RDH13: variants seen among roughly 807,000 people sequenced by gnomAD.
RDH13 encodes retinol dehydrogenase 13.
A neutral mutation model predicts 28.3 loss-of-function variants in RDH13; 35 were observed. The ratio of observed to expected loss-of-function variants is 1.24; its 90% CI spans 0.95 to 1.64. The LOEUF is 1.64. Ranked by LOEUF, RDH13 falls within the 40% of genes most tolerant of loss-of-function variation. The pLI is 0.00. For missense variants in RDH13, 514 were observed against 446.3 expected, an observed-to-expected ratio of 1.15 and a Z score of -1.37; for synonymous variants, 229 against 198.5, an observed-to-expected ratio of 1.15 and a Z score of -1.29.
intron 3 of RDH13, among the ~76,000 whole-genome samples, chr19:55,054,256 T>C (rs1195189327): frequency 1.3e-5 from 2 of 152,138 alleles, no homozygotes; most frequent in Non-Finnish European, 2.9e-5. Context: ...CGGGGCACAT[T>C]GACTCTGAAG....
downstream of RDH13, chr19:55,039,535 G>A (rs1218307109): frequency 6.6e-6 from 1 of 151,960 alleles, no homozygotes; most frequent in Non-Finnish European, 1.5e-5. Flanking sequence ...GCGGCAGAGT[G>A]AGACTGTCTC....
At chr19:55,053,333 TAA>T (rs147950783) in intron 3 of RDH13, among the ~76,000 whole-genome samples, 1 of 151,968 alleles carries the variant, frequency 6.6e-6, no homozygotes, top group African/African-American at 2.4e-5. Flanking sequence ...CTTGATTTGC[TAA>T]AAAAGTCACA....
chr19:55,047,145 C>CT, intron 6 of RDH13: 11 of 1,404,388 alleles, frequency 7.8e-6, no homozygotes, highest in Non-Finnish European at 1.0e-5. Flanking sequence ...TCCACGGCCT[C>CT]TTCCTCTGAG....
chr19:55,068,085 CCT>C (rs143833122), upstream of RDH13, among the ~76,000 whole-genome samples: 16 of 145,404 alleles, frequency 1.1e-4, no homozygotes, highest in South Asian at 2.4e-4. Flanking sequence ...TCTCCCCCTT[CCT>C]CTCTTTCTCC....
rs181306388 is a variant in RDH13 at position 55,054,804 on chromosome 19, C to G, written c.340+1849G>C. On this transcript the variant is annotated intron_variant, in intron 3 of 6. Coordinates refer to ENST00000415061, the MANE Select transcript of RDH13 (RefSeq NM_001145971.2). The stretch of plus-strand genomic sequence containing the variant: ...TGCTTCCTAGGCTGGTCTCTAACTC[C>G]TGAGCTCAAGCAATCCTAAGAGAAG... Among the ~76,000 whole-genome samples, 35 of 151,788 alleles carry G rather than the reference C, an allele frequency of 2.3e-4. No homozygotes were observed. In the East Asian group the frequency reaches 6.6e-3, roughly 29 times the overall value.
intron 1 of RDH13, among the ~76,000 whole-genome samples, chr19:55,062,691 G>A (rs1477115865): frequency 6.6e-6 from 1 of 152,164 alleles, no homozygotes; most frequent in Non-Finnish European, 1.5e-5. Context: ...AAAAATAAAC[G>A]AACAAATAAA....
At chr19:55,058,281 G>A (rs534772996) in intron 2 of RDH13, among the ~76,000 whole-genome samples, 82 of 151,726 alleles carry the variant, frequency 5.4e-4, no homozygotes, top group South Asian at 8.3e-4. Context: ...CCAGCTACTC[G>A]GGTGGCTGAG....
intron 3 of RDH13, among the ~76,000 whole-genome samples, chr19:55,052,731 G>A (rs576253418): frequency 6.0e-5 from 9 of 149,658 alleles, no homozygotes; most frequent in Non-Finnish European, 1.2e-4. Flanking sequence ...GCGCCATCTC[G>A]GCTCACTGCA....
At chr19:55,054,937 T>C (rs1394906467) in intron 3 of RDH13, among the ~76,000 whole-genome samples, 1 of 152,118 alleles carries the variant, frequency 6.6e-6, no homozygotes, top group African/African-American at 2.4e-5. Flanking sequence ...CATCATGCTG[T>C]ACATAATATA....
chr19:55,061,720 G>A (rs1290921580), intron 1 of RDH13, among the ~76,000 whole-genome samples: 2 of 151,762 alleles, frequency 1.3e-5, no homozygotes, highest in Non-Finnish European at 2.9e-5. Flanking sequence ...TGAGCCCAGG[G>A]AGGGTGAGGC....
chr19:55,057,041 GC>G (rs1325944142), intron 2 of RDH13, among the ~76,000 whole-genome samples: 5 of 152,196 alleles, frequency 3.3e-5, no homozygotes, highest in African/African-American at 1.2e-4. Context: ...AAGGAGTGAA[GC>G]ACTGGCTCAT....
At chr19:55,046,935 C>G (rs569087569) in intron 6 of RDH13, 1 of 174,186 alleles carries the variant, frequency 5.7e-6, no homozygotes, top group East Asian at 1.6e-4. Context: ...CACCTATTCT[C>G]TGGGCGGGGT....
chr19:55,057,685 C>T lies in RDH13; in HGVS notation c.185-877G>A, dbSNP rs148641945. On this transcript the variant is annotated intron_variant, in intron 2 of 6. Transcript: ENST00000415061. ...ACTTCTGACCTCAGGTGATCCACCC[C>T]GCGGCCTCCCAAAGTACTGGGATTA... Among the ~76,000 whole-genome samples, 1,064 of 152,106 alleles carry T rather than the reference C, an allele frequency of 7.0e-3. 14 individuals carry two copies. The highest frequency in any genetic ancestry group is 0.023 in the African/African-American group (958 of 41,514).
chr19:55,058,388 CAAAAA>C, intron 2 of RDH13, among the ~76,000 whole-genome samples: 1 of 131,000 alleles, frequency 7.6e-6, no homozygotes, highest in Admixed American at 7.7e-5. Context: ...AACTCCATCT[CAAAAA>C]AAAAAAAACA....
chr19:55,044,990 G>T lies in RDH13; in HGVS notation c.*84C>A. The T allele has an allele frequency of 9.5e-7, 1 of 1,052,596 alleles. No homozygotes were observed. The highest frequency in any genetic ancestry group is 1.4e-6 in the Non-Finnish European group (1 of 719,478). 65.2% of individuals were successfully genotyped at this position (1,052,596 alleles called of 1,614,324 possible). On this transcript the variant is annotated 3_prime_UTR_variant, in exon 7 of 7. Transcript: ENST00000415061. ...CGCCAGTCCTGGGTCTCCCGGCTCAGGTAGTGCCAGGAAGCTGCGGGCATG... is the reference window on the plus strand; with the variant it reads ...CGCCAGTCCTGGGTCTCCCGGCTCATGTAGTGCCAGGAAGCTGCGGGCATG...
chr19:55,048,796 G>A (rs368905499), intron 3 of RDH13, 33 bp from the exon 4 acceptor site: 138 of 1,560,672 alleles, frequency 8.8e-5, no homozygotes, highest in Non-Finnish European at 1.1e-4. Flanking sequence ...GAGACATCCC[G>A]GTGAGGACAG....
At position 55,056,885 on chromosome 19, in the gene RDH13, C is replaced by T. The variant is rs929547744; in HGVS notation, c.185-77G>A. On this transcript the variant is annotated intron_variant, in intron 2 of 6. Transcript: ENST00000415061. Reference sequence around the variant, plus strand: ...CTGACCCCAGAGACATGAAAACATACGTCTACACAAAAACACATCCACCAA... The same window carrying T: ...CTGACCCCAGAGACATGAAAACATATGTCTACACAAAAACACATCCACCAA... The T allele has an allele frequency of 1.2e-5, 16 of 1,280,914 alleles. 1 individual carries two copies. The highest frequency in any genetic ancestry group is 1.1e-4 in the Admixed American group (5 of 43,726). 79.3% of individuals were successfully genotyped at this position (1,280,914 alleles called of 1,614,324 possible).
At chr19:55,064,760 G>A (rs143468412), upstream of RDH13, among the ~76,000 whole-genome samples, 895 of 116,440 alleles carry the variant, frequency 7.7e-3, 11 homozygotes, top group Non-Finnish European at 0.012. Context: ...CTACAGGCAC[G>A]TGTCACCACA....
At chr19:55,045,412 G>A (rs2075188918) in intron 6 of RDH13, 103 bp from the exon 7 acceptor site, 2 of 845,750 alleles carry the variant, frequency 2.4e-6, no homozygotes, top group Non-Finnish European at 3.7e-6. Flanking sequence ...GTCCCACAGA[G>A]CCCTCCTCTA....
Sources: allele counts gnomAD v4.1 joint callset (sites outside exome capture counted in the v4.1 genomes callset), GRCh38; gene constraint gnomAD v4.1.1; transcripts MANE v1.5; gene names NCBI Gene and HGNC (gene_info 2026-07-23, HGNC 2026-07-21).